TRPM3: variants seen among roughly 807,000 people sequenced by gnomAD.
The protein encoded by TRPM3 is transient receptor potential cation channel subfamily M member 3.
Under a neutral mutation model 181.2 loss-of-function variants are expected in TRPM3, and 77 were observed. The ratio of observed to expected loss-of-function variants is 0.42; its 90% CI spans 0.35 to 0.51. The LOEUF is 0.51. Among genes scored for constraint, TRPM3 ranks in the 20% least tolerant of loss-of-function variants. TRPM3 has a pLI of 0.01. For synonymous variants in TRPM3, 745 were observed against 796.4 expected, an observed-to-expected ratio of 0.94 and a Z score of 1.09; for missense variants, 1,759 against 2,196.7, an observed-to-expected ratio of 0.80 and a Z score of 3.98.
At chr9:71,126,241 G>A (rs998567247), upstream of TRPM3, among the ~76,000 whole-genome samples, 7 of 152,134 alleles carry the variant, frequency 4.6e-5, no homozygotes, top group Admixed American at 1.3e-4. Context: ...AGATGCTGGC[G>A]AGGCTGTGGA....
At chr9:71,432,469 T>C (rs1388719064) in intron 1 of TRPM3, among the ~76,000 whole-genome samples, 1 of 152,012 alleles carries the variant, frequency 6.6e-6, no homozygotes, top group Non-Finnish European at 1.5e-5. Flanking sequence ...TATAGTTACA[T>C]TCAATAACTT....
rs778517202 is a variant in TRPM3, at chr9:70,536,169, G to A, written c.4944C>T (p.Asn1648=). The change falls in exon 26 of 26, where the codon AAC becomes AAT. Residue 1648 remains asparagine, a synonymous_variant. Transcript: ENST00000677713. ...NITVPKIERA[N]SYSAEEPSAP... ...CACTTGGCTCCTCTGCCGAGTAGCT[G>A]TTGGCGCGCTCTATCTTGGGAACAG... 3.1e-6 allele frequency: 5 copies of A among 1,614,216 alleles called. No homozygotes were observed. The South Asian group carries it at 4.4e-5, about 14-fold the overall frequency.
chr9:71,248,635 G>A (rs2082169680), intron 1 of TRPM3, among the ~76,000 whole-genome samples: 1 of 152,208 alleles, frequency 6.6e-6, no homozygotes, highest in Non-Finnish European at 1.5e-5. Flanking sequence ...GGTGGCCAGA[G>A]GAGAGATAAA....
At chr9:70,829,250 G>A (rs1294052206) in intron 5 of TRPM3, among the ~76,000 whole-genome samples, 1 of 152,104 alleles carries the variant, frequency 6.6e-6, no homozygotes, top group Non-Finnish European at 1.5e-5. Flanking sequence ...GTTTGTTAAA[G>A]GAATTACAAA....
At chr9:70,852,239 T>C (rs1162499468) in intron 3 of TRPM3, among the ~76,000 whole-genome samples, 1 of 151,098 alleles carries the variant, frequency 6.6e-6, no homozygotes, top group Admixed American at 6.6e-5. Flanking sequence ...ACCAGGCACA[T>C]GCATGCTGCG....
chr9:70,614,222 T>C (rs1404427806), intron 18 of TRPM3, among the ~76,000 whole-genome samples: 1 of 150,876 alleles, frequency 6.6e-6, no homozygotes, highest in African/African-American at 2.4e-5. Flanking sequence ...GGACTGGGTG[T>C]GGTGGCTCAC....
At chr9:70,867,296 A>T (rs2095669475) in intron 1 of TRPM3, among the ~76,000 whole-genome samples, 2 of 152,046 alleles carry the variant, frequency 1.3e-5, no homozygotes, top group African/African-American at 4.8e-5. Context: ...GCAAAGACAA[A>T]TGGATGAGAC....
rs552197863 is a variant in TRPM3, at chr9:71,223,676, C to A, written c.183+222977G>T. Among the ~76,000 whole-genome samples the A allele has an allele frequency of 8.5e-5, 13 of 152,320 alleles. No individual in the cohort carries two copies. In the South Asian group the frequency reaches 2.7e-3, roughly 32 times the overall value. On this transcript the variant is annotated intron_variant, in intron 1 of 24. Coordinates refer to the TRPM3 transcript ENST00000357533. ...TCCTGGGCCAGAGGGGAGCCCACTT[C>A]CCTGAAAGGTGAGTCCCTGCCCTGG... is the stretch of plus-strand genomic sequence containing the variant.
chr9:70,994,509 C>CT (rs34686338), intron 1 of TRPM3, among the ~76,000 whole-genome samples: 35,745 of 150,048 alleles, frequency 0.24, 4,699 homozygotes, highest in African/African-American at 0.36. Context: ...ATTTAATTCA[C>CT]TTTTTTTTTT....
In TRPM3 at chr9:71,370,558, AT is replaced by A. The variant is rs1208515776; in HGVS notation, c.183+76094del. Reference sequence around the variant, plus strand: ...CACGGCCCTAACTCTCTTCAATTCTATAAAGTCTGAGGTTAGGGAGATGCAG... The same window carrying A: ...CACGGCCCTAACTCTCTTCAATTCTAAAAGTCTGAGGTTAGGGAGATGCAG... On this transcript the variant is annotated intron_variant, in intron 1 of 24. Coordinates refer to the TRPM3 transcript ENST00000357533. Among the ~76,000 whole-genome samples, 4 of 152,340 alleles carry A rather than the reference AT, an allele frequency of 2.6e-5. No homozygotes were observed. The East Asian group carries it at 7.7e-4, about 29-fold the overall frequency.
chr9:70,602,249 T>G (rs2060172834), intron 20 of TRPM3, among the ~76,000 whole-genome samples: 1 of 151,948 alleles, frequency 6.6e-6, no homozygotes, highest in Non-Finnish European at 1.5e-5. Context: ...GCTTAAGAGA[T>G]AAGACATTTT....
At chr9:71,055,357 C>A (rs1591029967) in intron 1 of TRPM3, among the ~76,000 whole-genome samples, 1 of 152,090 alleles carries the variant, frequency 6.6e-6, no homozygotes, top group South Asian at 2.1e-4. Flanking sequence ...TTAGACATCA[C>A]TGGAGATAGA....
At chr9:70,763,603 T>A (rs1236514944) in intron 7 of TRPM3, among the ~76,000 whole-genome samples, 1 of 152,230 alleles carries the variant, frequency 6.6e-6, no homozygotes, top group African/African-American at 2.4e-5. Flanking sequence ...TGGTCTTAGC[T>A]GTGGACCAGA....
chr9:71,422,177 C>A (rs897171695), intron 1 of TRPM3, among the ~76,000 whole-genome samples: 1 of 151,908 alleles, frequency 6.6e-6, no homozygotes, highest in Non-Finnish European at 1.5e-5. Context: ...AATTATTTTT[C>A]TTTCCCTGCA....
upstream of TRPM3, among the ~76,000 whole-genome samples, chr9:71,122,126 A>T (rs779401493): frequency 1.1e-4 from 16 of 152,164 alleles, no homozygotes; most frequent in Non-Finnish European, 1.6e-4. Flanking sequence ...AATGGGGGTT[A>T]TCTCCTGGAA....
chr9:71,123,582 T>C (rs927250961), upstream of TRPM3, among the ~76,000 whole-genome samples: 3 of 152,240 alleles, frequency 2.0e-5, no homozygotes, highest in African/African-American at 7.2e-5. Flanking sequence ...ACAATTTTCA[T>C]TAAGCATGCA....
At chr9:71,010,103 T>C (rs1280721528) in intron 1 of TRPM3, among the ~76,000 whole-genome samples, 1 of 152,022 alleles carries the variant, frequency 6.6e-6, no homozygotes, top group Non-Finnish European at 1.5e-5. Context: ...AAGGCTTAAA[T>C]AAAAGACCTG....
chr9:71,069,606 T>C (rs2062435747), intron 1 of TRPM3, among the ~76,000 whole-genome samples: 1 of 135,578 alleles, frequency 7.4e-6, no homozygotes, highest in Non-Finnish European at 1.7e-5. Flanking sequence ...AATTCCTTTT[T>C]TCTTTTTTTT....
intron 1 of TRPM3, among the ~76,000 whole-genome samples, chr9:71,268,840 A>C (rs982403492): frequency 1.3e-5 from 2 of 152,192 alleles, no homozygotes; most frequent in African/African-American, 4.8e-5. Flanking sequence ...GTTTAAAAAA[A>C]TTAAAAATTA....
Sources: allele counts gnomAD v4.1 joint callset (sites outside exome capture counted in the v4.1 genomes callset), GRCh38; gene constraint gnomAD v4.1.1; transcripts MANE v1.5; gene names NCBI Gene and HGNC (gene_info 2026-07-23, HGNC 2026-07-21).